The following ACSM2B variants were observed in gnomAD, a reference collection of about 807,000 sequenced individuals.
ACSM2B encodes the protein acyl-CoA synthetase medium chain family member 2B, also known as acyl-coenzyme A synthetase ACSM2B, mitochondrial.
A neutral mutation model predicts 78.6 loss-of-function variants in ACSM2B; 58 were observed. The ratio of observed to expected loss-of-function variants is 0.74; its 90% CI spans 0.60 to 0.92. The LOEUF is 0.92. Among genes scored for constraint, ACSM2B ranks in the 40% least tolerant of loss-of-function variants. The pLI is 0.00. For missense variants in ACSM2B, 688 were observed against 711.2 expected (o/e 0.97, Z 0.37); for synonymous variants, 257 against 256.8 (o/e 1.00, Z -0.01).
chr16:20,541,828 G>A (rs1036877919), intron 12 of ACSM2B: 1 of 152,238 alleles, frequency 6.6e-6, no homozygotes, highest in Non-Finnish European at 1.5e-5. Flanking sequence ...GATTACAGAT[G>A]CCTGCCACCG....
intron 12 of ACSM2B, chr16:20,542,137 T>C (rs1043885386): frequency 1.3e-5 from 2 of 151,390 alleles, no homozygotes; most frequent in African/African-American, 4.9e-5. Context: ...TATTTTGAAA[T>C]ATACAATACA....
rs1392661287 is a variant in ACSM2B at position 20,566,643 on chromosome 16, T to C, written c.-8-1790A>G. Among the ~76,000 whole-genome samples, 6 of 11,394 alleles carry C rather than the reference T, an allele frequency of 5.3e-4. 1 individual carries two copies. The highest frequency in any genetic ancestry group is 8.2e-4 in the Non-Finnish European group (6 of 7,280). 7.5% of individuals were successfully genotyped at this position (11,394 alleles called of 152,430 possible). A position where few individuals can be genotyped will look rare whatever the true frequency, so the allele number is the denominator to read the frequency against. ...ATATATACTATATATAGTATATATA[T>C]ACTATACTATATATATGTATATATA... is the stretch of plus-strand genomic sequence containing the variant. On this transcript the variant is annotated intron_variant, in intron 1 of 13. Transcript: ENST00000329697.
intron 13 of ACSM2B, among the ~76,000 whole-genome samples, 174 bp from the exon 14 acceptor site, chr16:20,537,536 G>A (rs1211132355): frequency 6.6e-6 from 1 of 152,148 alleles, no homozygotes; most frequent in Non-Finnish European, 1.5e-5. Flanking sequence ...ATAAGAGGAT[G>A]GCTAGAATTG....
At chr16:20,547,927 T>G (rs910350080) in intron 8 of ACSM2B, 135 bp downstream of exon 8, 1 of 1,525,606 alleles carries the variant, frequency 6.6e-7, no homozygotes, top group African/African-American at 1.4e-5. Flanking sequence ...ACTCAGTACC[T>G]GTCCCTTCAC....
intron 1 of ACSM2B, among the ~76,000 whole-genome samples, chr16:20,569,668 T>A (rs2016041375): frequency 6.6e-6 from 1 of 152,020 alleles, no homozygotes; most frequent in South Asian, 2.1e-4. Flanking sequence ...TTTGGCAATA[T>A]AGTCATTTTT....
intron 1 of ACSM2B, chr16:20,574,657 T>C (rs1213771027): frequency 6.7e-6 from 1 of 149,088 alleles, no homozygotes; most frequent in East Asian, 2.0e-4. Flanking sequence ...TGCAAAACAA[T>C]CAATGCCCTC....
At chr16:20,566,943 T>A (rs1416636827) in intron 1 of ACSM2B, among the ~76,000 whole-genome samples, 1 of 119,002 alleles carries the variant, frequency 8.4e-6, no homozygotes, top group African/African-American at 3.2e-5. Flanking sequence ...TACCATACTA[T>A]TATATATCAT....
chr16:20,550,848 T>C (rs2015291099), intron 6 of ACSM2B, among the ~76,000 whole-genome samples: 1 of 152,190 alleles, frequency 6.6e-6, no homozygotes, highest in African/African-American at 2.4e-5. Context: ...GTGGGTCTTA[T>C]TTAATGGCTG....
intron 13 of ACSM2B, among the ~76,000 whole-genome samples, chr16:20,538,121 C>T (rs1177127162): frequency 2.0e-5 from 3 of 151,906 alleles, no homozygotes; most frequent in East Asian, 3.9e-4. Flanking sequence ...CAGATGGTCT[C>T]GAATTTAATA....
chr16:20,567,619 G>T (rs1164903475), intron 1 of ACSM2B, among the ~76,000 whole-genome samples: 2 of 130,298 alleles, frequency 1.5e-5, no homozygotes, highest in Non-Finnish European at 3.2e-5. Context: ...ATAATATATA[G>T]TATATTATAT....
intron 10 of ACSM2B, chr16:20,544,468 A>C (rs1301690331): frequency 1.5e-6 from 1 of 671,744 alleles, no homozygotes; most frequent in Admixed American, 6.3e-5. Context: ...TAAAAATTAA[A>C]TGTGTTTATA....
At chr16:20,549,789 A>G (rs1438704336) in intron 6 of ACSM2B, 2 of 450,570 alleles carry the variant, frequency 4.4e-6, no homozygotes, top group African/African-American at 4.0e-5. Context: ...TTTGGTCCAG[A>G]AAGGTGGGGC....
At chr16:20,540,234 T>G (rs1334782371) in intron 13 of ACSM2B, among the ~76,000 whole-genome samples, 1 of 30,056 alleles carries the variant, frequency 3.3e-5, no homozygotes, top group African/African-American at 5.4e-5. Flanking sequence ...GTTTTTTTTT[T>G]TTGTTTGTTT....
At chr16:20,537,472 G>A (rs1424231557) in intron 13 of ACSM2B, 110 bp from the exon 14 acceptor site, 5 of 1,233,056 alleles carry the variant, frequency 4.1e-6, no homozygotes, top group East Asian at 2.3e-5. Context: ...AGCCACTTCA[G>A]GGTAGCCGCC....
chr16:20,569,845 A>G (rs953456854), intron 1 of ACSM2B, among the ~76,000 whole-genome samples: 1 of 151,852 alleles, frequency 6.6e-6, no homozygotes, highest in Admixed American at 6.6e-5. Flanking sequence ...TGAGTTCTTG[A>G]TTTAATTCTC....
intron 1 of ACSM2B, among the ~76,000 whole-genome samples, chr16:20,569,187 A>G (rs1170918405): frequency 6.6e-6 from 1 of 152,002 alleles, no homozygotes; most frequent in African/African-American, 2.4e-5. Context: ...TAGAATTTTT[A>G]TAGTTTCAGG....
intron 2 of ACSM2B, 111 bp downstream of exon 2, chr16:20,564,558 T>G: frequency 6.7e-7 from 1 of 1,482,830 alleles, no homozygotes; most frequent in Non-Finnish European, 9.0e-7. Flanking sequence ...CCATAGCTTA[T>G]TACAGTGCCT....
intron 8 of ACSM2B, 200 bp from the exon 9 acceptor site, chr16:20,546,674 G>C: frequency 2.1e-6 from 2 of 953,910 alleles, no homozygotes; most frequent in Non-Finnish European, 2.9e-6. Flanking sequence ...TGTTTGTTCA[G>C]GAAGCAACCC....
intron 2 of ACSM2B, among the ~76,000 whole-genome samples, chr16:20,560,610 A>T (rs186503152): frequency 1.3e-5 from 2 of 152,210 alleles, no homozygotes; most frequent in African/African-American, 4.8e-5. Flanking sequence ...AATCTCAGGT[A>T]TTCCTTTACA....
Sources: allele counts gnomAD v4.1 joint callset (sites outside exome capture counted in the v4.1 genomes callset), GRCh38; gene constraint gnomAD v4.1.1; transcripts MANE v1.5; gene names NCBI Gene and HGNC (gene_info 2026-07-23, HGNC 2026-07-21).